Variants in GPBP1 observed in about 807,000 individuals in gnomAD.
The protein encoded by GPBP1 is GC-rich promoter binding protein 1.
GPBP1 carries 13 observed loss-of-function variants against 56.5 expected under a neutral mutation model. That is an observed-to-expected ratio of 0.23 (90% CI 0.15 to 0.37). GPBP1 has a LOEUF of 0.37. GPBP1 is among the 10% of genes least tolerant of loss of function. The probability of loss-of-function intolerance (pLI) is 1.00; values close to 1 mark genes in which losing one functional copy is unlikely to be tolerated. For missense variants in GPBP1, 477 were observed against 572.3 expected, an observed-to-expected ratio of 0.83 and a Z score of 1.70; for synonymous variants, 204 against 188.9, an observed-to-expected ratio of 1.08 and a Z score of -0.66.
At chr5:57,210,963 G>T (rs919295048) in intron 2 of GPBP1, among the ~76,000 whole-genome samples, 2 of 152,120 alleles carry the variant, frequency 1.3e-5, no homozygotes, top group Non-Finnish European at 2.9e-5. Flanking sequence ...TACATTTGAG[G>T]TATTGGGGGC....
chr5:57,188,098 A>G (rs1166088159), intron 2 of GPBP1, among the ~76,000 whole-genome samples: 5 of 151,764 alleles, frequency 3.3e-5, no homozygotes, highest in African/African-American at 1.2e-4. Flanking sequence ...ACAAAAATTA[A>G]CTGGGCATGA....
At chr5:57,262,474 TATC>T (rs1424741337) in intron 11 of GPBP1, 117 bp from the exon 12 acceptor site, 3 of 730,222 alleles carry the variant, frequency 4.1e-6, no homozygotes, top group Non-Finnish European at 4.5e-6. Flanking sequence ...TTTTCAGAAA[TATC>T]ATTACTTGTG....
At chr5:57,234,760 A>G (rs1756596107) in intron 5 of GPBP1, among the ~76,000 whole-genome samples, 1 of 152,176 alleles carries the variant, frequency 6.6e-6, no homozygotes, top group South Asian at 2.1e-4. Context: ...ATACAAAGCT[A>G]AAAAGAGAAT....
At chr5:57,201,953 A>C (rs914680831) in intron 2 of GPBP1, among the ~76,000 whole-genome samples, 2 of 152,034 alleles carry the variant, frequency 1.3e-5, no homozygotes, top group Non-Finnish European at 2.9e-5. Flanking sequence ...AAATTACTTT[A>C]ATCTTTCATA....
intron 2 of GPBP1, among the ~76,000 whole-genome samples, chr5:57,202,453 TA>T (rs774704312): frequency 2.6e-5 from 4 of 151,758 alleles, no homozygotes; most frequent in African/African-American, 7.3e-5. Flanking sequence ...CACGCTTGGC[TA>T]ATTTTTGTAT....
chr5:57,216,256 G>A (rs1255822500), intron 3 of GPBP1, among the ~76,000 whole-genome samples: 1 of 152,168 alleles, frequency 6.6e-6, no homozygotes, highest in Non-Finnish European at 1.5e-5. Context: ...GCCTCTCCCA[G>A]TAAGGTGTAC....
intron 10 of GPBP1, among the ~76,000 whole-genome samples, chr5:57,251,480 G>A (rs1741384300): frequency 6.6e-6 from 1 of 151,694 alleles, no homozygotes; most frequent in South Asian, 2.1e-4. Context: ...TTGTAAGCAC[G>A]TCAGTACTTT....
chr5:57,187,358 C>T (rs1047948215), intron 2 of GPBP1, among the ~76,000 whole-genome samples: 1 of 152,144 alleles, frequency 6.6e-6, no homozygotes, highest in Admixed American at 6.6e-5. Context: ...AAAGTATCAA[C>T]TTATTTACTA....
At chr5:57,256,125 G>A (rs982124123) in intron 10 of GPBP1, among the ~76,000 whole-genome samples, 8 of 152,194 alleles carry the variant, frequency 5.3e-5, no homozygotes, top group African/African-American at 1.4e-4. Flanking sequence ...GCGTGGTGGC[G>A]TGTTCCTGTA....
Position 57,236,123 on chromosome 5 carries a change from A to G in GPBP1, c.478+91A>G, listed in dbSNP as rs1442218047. 7 of 799,186 alleles carry G rather than the reference A, an allele frequency of 8.8e-6. No homozygotes were observed. The East Asian group carries it at 1.7e-4, about 20-fold the overall frequency. 49.5% of individuals were successfully genotyped at this position (799,186 alleles called of 1,614,324 possible). On this transcript the variant is annotated intron_variant, in intron 6 of 11. Coordinates refer to ENST00000506184, the MANE Select transcript of GPBP1 (RefSeq NM_022913.4). The stretch of plus-strand genomic sequence containing the variant: ...TGTTTTTTAAAATAGAGAGCAGGCT[A>G]GAATAAAACTTTCTTTTTAAAGTAT...
chr5:57,259,501 CT>C (rs1433304470), intron 10 of GPBP1, among the ~76,000 whole-genome samples: 1 of 152,092 alleles, frequency 6.6e-6, no homozygotes, highest in Non-Finnish European at 1.5e-5. Flanking sequence ...GTTCAAGACC[CT>C]TTTGTAAGCA....
chr5:57,249,417 C>T lies in GPBP1; in HGVS notation c.813C>T (p.Arg271=), dbSNP rs141013073. 2.2e-4 allele frequency: 354 copies of T among 1,596,234 alleles called. No individual in the cohort carries two copies. Among genetic ancestry groups the T allele is most frequent in the South Asian group, 1.0e-3 (89 of 87,692 alleles). The change falls in exon 9 of 12, where the codon CGC becomes CGT. Residue 271 remains arginine, a synonymous_variant. Coordinates refer to ENST00000506184, the MANE Select transcript of GPBP1 (RefSeq NM_022913.4). ...TCTGAATTTCCTCTTAGTGTAATCG[C>T]TCAAATTCCTCTTCTCCTGTTGACA... ...PSTNSVKECN[R]SNSSSPVDKL...
intron 6 of GPBP1, among the ~76,000 whole-genome samples, chr5:57,243,695 G>GT (rs1457777259): frequency 2.0e-5 from 3 of 150,260 alleles, no homozygotes; most frequent in African/African-American, 7.4e-5. Flanking sequence ...CTGCTTCCTT[G>GT]TTTTTGTTTT....
chr5:57,221,129 C>T (rs897713291), intron 3 of GPBP1, among the ~76,000 whole-genome samples: 1 of 151,900 alleles, frequency 6.6e-6, no homozygotes, highest in African/African-American at 2.4e-5. Flanking sequence ...AACTTTAGCC[C>T]CATCATGTGG....
intron 2 of GPBP1, among the ~76,000 whole-genome samples, chr5:57,211,231 C>G (rs560669912): frequency 4.1e-4 from 62 of 151,790 alleles, no homozygotes; most frequent in Non-Finnish European, 6.5e-4. Context: ...TCTCTGTCAC[C>G]TGGGCTGGAG....
chr5:57,177,360 AT>A (rs374669266), intron 2 of GPBP1, among the ~76,000 whole-genome samples: 2,057 of 151,676 alleles, frequency 0.014, 115 homozygotes, highest in East Asian at 0.097. Context: ...CTAAAATTTA[AT>A]TTTTTTTTCT....
At chr5:57,198,291 A>G (rs889724520) in intron 2 of GPBP1, among the ~76,000 whole-genome samples, 4 of 152,112 alleles carry the variant, frequency 2.6e-5, no homozygotes, top group Non-Finnish European at 5.9e-5. Context: ...GCTTTCATTT[A>G]TGTCATTCCA....
chr5:57,230,226 C>A (rs554709628), intron 3 of GPBP1, among the ~76,000 whole-genome samples: 3 of 152,112 alleles, frequency 2.0e-5, no homozygotes, highest in Admixed American at 2.0e-4. Flanking sequence ...GCCACCGCGC[C>A]CGGCCTAAAA....
chr5:57,200,841 G>C (rs926289464), intron 2 of GPBP1, among the ~76,000 whole-genome samples: 1 of 152,054 alleles, frequency 6.6e-6, no homozygotes, highest in Middle Eastern at 3.2e-3. Flanking sequence ...GCCACCACGC[G>C]CGGCTAGTTT....
Sources: gnomAD v4.1 joint callset for allele counts (sites outside exome capture counted in the v4.1 genomes callset) on GRCh38, gnomAD v4.1.1 for gene constraint, MANE v1.5 for transcripts, NCBI Gene and HGNC (gene_info 2026-07-23, HGNC 2026-07-21) for gene names.